The following IL1RAPL2 variants were observed in gnomAD, a reference collection of about 807,000 sequenced individuals.
IL1RAPL2 encodes X-linked interleukin-1 receptor accessory protein-like 2.
In IL1RAPL2, 3 loss-of-function variants were observed where a neutral mutation model predicts 44.1. That is an observed-to-expected ratio of 0.07 (90% confidence interval 0.03 to 0.18). IL1RAPL2 has a LOEUF of 0.18. IL1RAPL2 is among the 10% of genes least tolerant of loss of function. The pLI, the probability that IL1RAPL2 is intolerant of heterozygous loss-of-function variation, is 1.00. For missense variants in IL1RAPL2, 391 were observed against 496.4 expected (o/e 0.79, Z 2.02); for synonymous variants, 181 against 178.8 (o/e 1.01, Z -0.10).
intron 5 of IL1RAPL2, among the ~76,000 whole-genome samples, chrX:105,294,430 G>C (rs1362929201): frequency 8.9e-6 from 1 of 112,106 alleles, no homozygotes; most frequent in Non-Finnish European, 1.9e-5. Context: ...AAGGGTAGAG[G>C]AAGAGTCACA....
chrX:105,193,041 G>T (rs909780458), intron 2 of IL1RAPL2, among the ~76,000 whole-genome samples: 20 of 112,013 alleles, frequency 1.8e-4, no homozygotes, highest in African/African-American at 6.2e-4. Context: ...CATGCTCGCT[G>T]TGACTCTGGA....
chrX:105,204,029 C>G (rs1556148933), intron 3 of IL1RAPL2, among the ~76,000 whole-genome samples: 1 of 111,871 alleles, frequency 8.9e-6, no homozygotes, highest in Non-Finnish European at 1.9e-5. Flanking sequence ...ATACTCTAAA[C>G]TAATAGGTTC....
rs182272493 is a variant in IL1RAPL2, at chrX:104,642,773, C to T, written c.-19-16122C>T. ...GTGCTGGGATTACAGGCATGAGCCA[C>T]CACACCTGGCTGGATTATTTTCTTA... On this transcript the variant is annotated intron_variant, in intron 1 of 10. Coordinates refer to ENST00000372582, the MANE Select transcript of IL1RAPL2 (RefSeq NM_017416.2). 1.2e-4 allele frequency among the ~76,000 whole-genome samples: 13 copies of T among 112,103 alleles called. No individual in the cohort carries two copies. In the East Asian group the frequency reaches 3.6e-3, roughly 31 times the overall value.
chrX:104,691,463 T>C (rs928986214), intron 2 of IL1RAPL2, among the ~76,000 whole-genome samples: 2 of 112,328 alleles, frequency 1.8e-5, no homozygotes, highest in African/African-American at 6.5e-5. Context: ...TATTTATTTG[T>C]TGGAATCTTT....
At chrX:104,582,767 T>TC (rs1268931671) in intron 1 of IL1RAPL2, among the ~76,000 whole-genome samples, 7 of 99,914 alleles carry the variant, frequency 7.0e-5, no homozygotes, top group African/African-American at 2.7e-4. Context: ...TTTCTTTCTT[T>TC]TTTCTTTCTC....
At chrX:104,767,929 G>A (rs781310472) in intron 2 of IL1RAPL2, among the ~76,000 whole-genome samples, 1 of 112,152 alleles carries the variant, frequency 8.9e-6, no homozygotes, top group Non-Finnish European at 1.9e-5. Flanking sequence ...GGTAGACACA[G>A]TGGGACAGTT....
chrX:105,469,320 A>G (rs181382911), intron 5 of IL1RAPL2, among the ~76,000 whole-genome samples: 2 of 110,514 alleles, frequency 1.8e-5, no homozygotes, highest in East Asian at 5.8e-4. Flanking sequence ...TTTAGAAGGG[A>G]AGGGGGTGAA....
At chrX:104,733,722 A>G (rs1931965021) in intron 2 of IL1RAPL2, among the ~76,000 whole-genome samples, 1 of 110,212 alleles carries the variant, frequency 9.1e-6, no homozygotes, top group Non-Finnish European at 1.9e-5. Flanking sequence ...AATAGAAAAT[A>G]CAATACTATA....
At chrX:105,466,035 T>A (rs2036126589) in intron 5 of IL1RAPL2, among the ~76,000 whole-genome samples, 1 of 111,326 alleles carries the variant, frequency 9.0e-6, no homozygotes, top group Admixed American at 9.6e-5. Flanking sequence ...ATTCCAAGAA[T>A]TCTCAAGGGA....
At chrX:105,225,997 T>C (rs915768078) in intron 3 of IL1RAPL2, among the ~76,000 whole-genome samples, 10 of 111,899 alleles carry the variant, frequency 8.9e-5, no homozygotes, top group Admixed American at 7.6e-4. Flanking sequence ...CCTTAGAAGA[T>C]AGAAATAGTG....
chrX:105,709,329 C>G (rs1443889748), intron 6 of IL1RAPL2, among the ~76,000 whole-genome samples: 3 of 111,665 alleles, frequency 2.7e-5, no homozygotes, highest in Non-Finnish European at 5.7e-5. Flanking sequence ...CTGATTCAGG[C>G]CAAAAACCAA....
At chrX:105,409,865 C>T (rs753135063) in intron 5 of IL1RAPL2, among the ~76,000 whole-genome samples, 11 of 45,190 alleles carry the variant, frequency 2.4e-4, no homozygotes, top group East Asian at 1.9e-3. Context: ...GACAGACAGA[C>T]AGATAGATAG....
intron 2 of IL1RAPL2, 116 bp downstream of exon 2, chrX:104,659,111 G>C: frequency 2.1e-6 from 1 of 481,877 alleles, no homozygotes; most frequent in Non-Finnish European, 3.6e-6. Context: ...TCGTATTCCA[G>C]TTATGTTGGA....
chrX:105,520,680 A>C (rs1303057556), intron 6 of IL1RAPL2, among the ~76,000 whole-genome samples: 2 of 111,419 alleles, frequency 1.8e-5, no homozygotes, highest in Non-Finnish European at 3.8e-5. Context: ...ACTTTAACTG[A>C]GAAAAGACTT....
intron 5 of IL1RAPL2, among the ~76,000 whole-genome samples, chrX:105,306,434 T>C (rs2034737836): frequency 8.9e-6 from 1 of 111,880 alleles, no homozygotes; most frequent in African/African-American, 3.2e-5. Context: ...CTTAATCATG[T>C]CTTTTATAGA....
chrX:105,590,812 T>A (rs1334348805), intron 6 of IL1RAPL2, among the ~76,000 whole-genome samples: 1 of 77,584 alleles, frequency 1.3e-5, no homozygotes, highest in Non-Finnish European at 2.3e-5. Context: ...TTGGCCTGAA[T>A]TTGTGTGTGT....
intron 4 of IL1RAPL2, among the ~76,000 whole-genome samples, chrX:105,252,284 G>A (rs2034276169): frequency 9.0e-6 from 1 of 111,570 alleles, no homozygotes; most frequent in African/African-American, 3.2e-5. Context: ...TTTATGCTGA[G>A]TAGTATTCCA....
At chrX:104,868,942 G>C (rs1922687193) in intron 2 of IL1RAPL2, among the ~76,000 whole-genome samples, 1 of 111,605 alleles carries the variant, frequency 9.0e-6, no homozygotes, top group South Asian at 3.7e-4. Context: ...AAGGTGCCTT[G>C]AATAATCGTT....
At chrX:105,614,564 A>C (rs777189284) in intron 6 of IL1RAPL2, among the ~76,000 whole-genome samples, 1 of 111,583 alleles carries the variant, frequency 9.0e-6, no homozygotes, top group East Asian at 2.8e-4. Flanking sequence ...TTAGGTGCCA[A>C]GAACCTACCA....
Sources: allele counts gnomAD v4.1 joint callset (sites outside exome capture counted in the v4.1 genomes callset), GRCh38; gene constraint gnomAD v4.1.1; transcripts MANE v1.5; gene names NCBI Gene and HGNC (gene_info 2026-07-23, HGNC 2026-07-21).